Variants in NAV2 observed in about 807,000 individuals in gnomAD.
The protein encoded by NAV2 is helicase, APC down-regulated 1.
NAV2 carries 54 observed loss-of-function variants against 223.2 expected under a neutral mutation model. The observed-to-expected ratio is 0.24, with a 90% CI of 0.19 to 0.30. The LOEUF (loss-of-function observed/expected upper bound fraction) is 0.30, where lower values mean the gene tolerates loss of function less well. NAV2 is among the 10% of genes least tolerant of loss of function. The pLI, the probability that NAV2 is intolerant of heterozygous loss-of-function variation, is 1.00. For missense variants in NAV2, 2,806 were observed against 3,147.5 expected, an observed-to-expected ratio of 0.89 and a Z score of 2.60; for synonymous variants, 1,279 against 1,239.3, an observed-to-expected ratio of 1.03 and a Z score of -0.67.
intron 1 of NAV2, among the ~76,000 whole-genome samples, chr11:19,396,810 C>T (rs780867469): frequency 3.9e-5 from 6 of 152,210 alleles, no homozygotes; most frequent in African/African-American, 2.4e-5. Context: ...CCACAGAGAT[C>T]TCTAGTAATG....
intron 1 of NAV2, among the ~76,000 whole-genome samples, chr11:19,789,821 G>A (rs1042358982): frequency 6.6e-6 from 1 of 152,194 alleles, no homozygotes; most frequent in Non-Finnish European, 1.5e-5. Context: ...TTCTGGACCA[G>A]ACTCGGCTGT....
chr11:19,500,213 C>A (rs1233917399), intron 1 of NAV2, among the ~76,000 whole-genome samples: 1 of 152,062 alleles, frequency 6.6e-6, no homozygotes, highest in African/African-American at 2.4e-5. Context: ...ATGAGAAGCT[C>A]CTCAGGCTGG....
intron 11 of NAV2, among the ~76,000 whole-genome samples, chr11:20,031,605 C>G (rs899074097): frequency 6.6e-6 from 1 of 152,186 alleles, no homozygotes; most frequent in Non-Finnish European, 1.5e-5. Flanking sequence ...GGCACTCAAG[C>G]GATGTCAAAG....
intron 4 of NAV2, 21 bp from the exon 5 acceptor site, chr11:19,879,848 A>G: frequency 6.2e-7 from 1 of 1,613,866 alleles, no homozygotes. Context: ...ATCTGACAAG[A>G]GTCTCTTTAT....
At chr11:19,902,368 G>A (rs2042515849) in intron 6 of NAV2, among the ~76,000 whole-genome samples, 1 of 152,126 alleles carries the variant, frequency 6.6e-6, no homozygotes, top group Non-Finnish European at 1.5e-5. Context: ...TTTTCACAGA[G>A]AAGAAGAATG....
chr11:19,927,006 A>G (rs2044817471), intron 6 of NAV2, among the ~76,000 whole-genome samples: 1 of 152,188 alleles, frequency 6.6e-6, no homozygotes, highest in Admixed American at 6.5e-5. Flanking sequence ...TTTAAACAGT[A>G]TTTTCATTTA....
intron 1 of NAV2, among the ~76,000 whole-genome samples, chr11:19,365,018 C>T (rs772819378): frequency 1.3e-5 from 2 of 152,148 alleles, no homozygotes; most frequent in Non-Finnish European, 2.9e-5. Context: ...AGAAATTCAC[C>T]TCCTTTTGGA....
chr11:19,721,035 CT>C (rs2050708332), intron 1 of NAV2, among the ~76,000 whole-genome samples: 1 of 152,198 alleles, frequency 6.6e-6, no homozygotes, highest in African/African-American at 2.4e-5. Flanking sequence ...GAAACCAGGG[CT>C]GACAGAGGTG....
intron 1 of NAV2, among the ~76,000 whole-genome samples, chr11:19,730,881 C>A (rs1194714593): frequency 6.6e-6 from 1 of 152,182 alleles, no homozygotes; most frequent in East Asian, 1.9e-4. Context: ...AGCTAACATG[C>A]AGCATGCCCA....
chr11:20,027,303 GC>G (rs10710884), intron 11 of NAV2: 180,218 of 985,208 alleles, frequency 0.18, 16,698 homozygotes, highest in Middle Eastern at 0.27. Context: ...TTCCGCTCGG[GC>G]CCCGGGGTTT....
chr11:20,042,722 A>G (rs1173520544), intron 12 of NAV2, among the ~76,000 whole-genome samples: 1 of 151,988 alleles, frequency 6.6e-6, no homozygotes, highest in Non-Finnish European at 1.5e-5. Flanking sequence ...TGTTCATTTT[A>G]ATTTCCTATC....
chr11:19,760,076 T>C (rs73429757), intron 1 of NAV2: 1,879 of 152,964 alleles, frequency 0.012, 39 homozygotes, highest in African/African-American at 0.043. Flanking sequence ...ATAACACCTA[T>C]GTATTTGAAA....
At chr11:20,073,163 C>A (rs1324554413) in intron 22 of NAV2, among the ~76,000 whole-genome samples, 1 of 152,014 alleles carries the variant, frequency 6.6e-6, no homozygotes, top group Non-Finnish European at 1.5e-5. Context: ...TGAATTTGTC[C>A]AAGGCCTTTT....
intron 1 of NAV2, among the ~76,000 whole-genome samples, chr11:19,555,573 G>A (rs905060687): frequency 1.3e-5 from 2 of 152,180 alleles, no homozygotes; most frequent in Admixed American, 1.3e-4. Flanking sequence ...GAAGGTCAAT[G>A]TTCAAGTTTT....
In NAV2 at chr11:19,793,273, G is replaced by A. The variant is rs1478451855; in HGVS notation, c.268-39211G>A. On this transcript the variant is annotated intron_variant, in intron 1 of 37. Coordinates refer to ENST00000349880, the MANE Select transcript of NAV2 (RefSeq NM_145117.5). ...AAGGATGGATGGAGGTGCTGCCCTG[G>A]ATTTGTCTCAGTGCATGTATCACAA... Among the ~76,000 whole-genome samples, 5 of 150,984 alleles carry A rather than the reference G, an allele frequency of 3.3e-5. No homozygotes were observed. The East Asian group carries it at 9.8e-4, about 30-fold the overall frequency.
chr11:19,969,440 A>C (rs938626290), intron 10 of NAV2, among the ~76,000 whole-genome samples: 1 of 152,196 alleles, frequency 6.6e-6, no homozygotes, highest in African/African-American at 2.4e-5. Context: ...GCAAGGATGC[A>C]TCTTATTTCT....
In NAV2 at chr11:20,119,347, G is replaced by C. The variant is rs2063358978; in HGVS notation, c.*1089G>C. 6.6e-6 allele frequency: 1 copy of C among 152,220 alleles called. No homozygotes were observed. The highest frequency in any genetic ancestry group is 2.4e-5 in the African/African-American group (1 of 41,404). 9.4% of individuals were successfully genotyped at this position (152,220 alleles called of 1,614,324 possible). On this transcript the variant is annotated 3_prime_UTR_variant, in exon 38 of 38. Coordinates refer to ENST00000349880, the MANE Select transcript of NAV2 (RefSeq NM_145117.5). ...CCTCCTGCTAGGGCTGGGGGTATCT[G>C]TGTCCTTTAAAATGGATGAGGACCT...
intron 1 of NAV2, among the ~76,000 whole-genome samples, chr11:19,620,504 T>G (rs909153201): frequency 6.6e-6 from 1 of 152,202 alleles, no homozygotes; most frequent in African/African-American, 2.4e-5. Context: ...TCCTAGGTAT[T>G]TTATTCTCTT....
intron 10 of NAV2, among the ~76,000 whole-genome samples, chr11:19,970,024 C>G (rs933349516): frequency 6.6e-6 from 1 of 152,122 alleles, no homozygotes; most frequent in African/African-American, 2.4e-5. Context: ...ACAATATGCT[C>G]TAATAAAAGT....
Sources: gnomAD v4.1 joint callset for allele counts (sites outside exome capture counted in the v4.1 genomes callset) on GRCh38, gnomAD v4.1.1 for gene constraint, MANE v1.5 for transcripts, NCBI Gene and HGNC (gene_info 2026-07-23, HGNC 2026-07-21) for gene names.